ZNF423: variants seen among roughly 807,000 people sequenced by gnomAD.
The protein encoded by ZNF423 is zinc finger protein 423.
A neutral mutation model predicts 95.8 loss-of-function variants in ZNF423; 12 were observed. The ratio of observed to expected loss-of-function variants is 0.13; its 90% CI spans 0.08 to 0.20. The LOEUF (loss-of-function observed/expected upper bound fraction) is 0.20, where lower values mean the gene tolerates loss of function less well. Ranked by LOEUF, ZNF423 falls within the 10% of genes least tolerant of loss-of-function variation. ZNF423 has a pLI of 1.00. For missense variants in ZNF423, 1,316 were observed against 1,737.1 expected, an observed-to-expected ratio of 0.76 and a Z score of 4.31; for synonymous variants, 749 against 711.9, an observed-to-expected ratio of 1.05 and a Z score of -0.83.
intron 5 of ZNF423, among the ~76,000 whole-genome samples, chr16:49,600,041 C>CAAG (rs201642390): frequency 0.017 from 2,542 of 152,314 alleles, 39 homozygotes; most frequent in Middle Eastern, 0.037. Context: ...GGGCAAGAGG[C>CAAG]CGGGCGTGGT....
intron 3 of ZNF423, among the ~76,000 whole-genome samples, chr16:49,653,190 G>A (rs2151906186): frequency 6.6e-6 from 1 of 151,564 alleles, no homozygotes; most frequent in African/African-American, 2.4e-5. Flanking sequence ...GTCCCCTGCT[G>A]CCCAGACAGA....
intron 1 of ZNF423, among the ~76,000 whole-genome samples, chr16:49,807,206 C>T (rs562850179): frequency 3.3e-5 from 5 of 152,010 alleles, no homozygotes; most frequent in South Asian, 2.1e-4. Context: ...CTGAGGCAGG[C>T]GGATCATGAG....
At chr16:49,667,050 G>C (rs997929748) in intron 3 of ZNF423, among the ~76,000 whole-genome samples, 3 of 152,198 alleles carry the variant, frequency 2.0e-5, no homozygotes, top group African/African-American at 4.8e-5. Flanking sequence ...TTTAGGCCCA[G>C]AGCCTCCTTG....
intron 3 of ZNF423, among the ~76,000 whole-genome samples, chr16:49,669,254 G>A (rs564437689): frequency 2.0e-5 from 3 of 151,982 alleles, no homozygotes; most frequent in East Asian, 1.9e-4. Flanking sequence ...ACTTGAACTC[G>A]GGAGGCGGAG....
intron 5 of ZNF423, among the ~76,000 whole-genome samples, chr16:49,597,528 A>AT (rs993363004): frequency 9.2e-5 from 14 of 151,854 alleles, no homozygotes; most frequent in African/African-American, 2.4e-4. Context: ...TTTCCTTTTA[A>AT]TTTTTTTTTA....
intron 3 of ZNF423, among the ~76,000 whole-genome samples, chr16:49,675,368 T>C (rs118102773): frequency 0.019 from 2,874 of 152,272 alleles, 61 homozygotes; most frequent in Middle Eastern, 0.044. Flanking sequence ...ACCATTAACC[T>C]GGCCATCTTT....
chr16:49,792,385 GAAATCA>G (rs1470126187), intron 1 of ZNF423, among the ~76,000 whole-genome samples: 1 of 152,196 alleles, frequency 6.6e-6, no homozygotes, highest in Admixed American at 6.5e-5. Flanking sequence ...AGCTCTGGGG[GAAATCA>G]AAGCTCTGTG....
At chr16:49,689,554 C>T (rs1458608891) in intron 3 of ZNF423, among the ~76,000 whole-genome samples, 1 of 152,146 alleles carries the variant, frequency 6.6e-6, no homozygotes, top group South Asian at 2.1e-4. Context: ...CCTCCGTGAC[C>T]TCCAGGAGGT....
chr16:49,689,657 T>C (rs2031705071), intron 3 of ZNF423, among the ~76,000 whole-genome samples: 2 of 151,714 alleles, frequency 1.3e-5, no homozygotes, highest in Non-Finnish European at 2.9e-5. Context: ...GCCTTGAGAG[T>C]TACTGCAAGC....
chr16:49,527,807 A>G (rs1185667067), intron 5 of ZNF423, among the ~76,000 whole-genome samples: 16 of 152,118 alleles, frequency 1.1e-4, no homozygotes, highest in Admixed American at 1.0e-3. Flanking sequence ...TCCTATATGC[A>G]TGTACCCCCG....
chr16:49,524,469 A>C (rs964510853), intron 6 of ZNF423, among the ~76,000 whole-genome samples: 3 of 151,980 alleles, frequency 2.0e-5, no homozygotes, highest in African/African-American at 7.2e-5. Flanking sequence ...TCCTGCGATG[A>C]GGGGGAAGAT....
chr16:49,838,971 G>T (rs1433938008), intron 1 of ZNF423, among the ~76,000 whole-genome samples: 1 of 151,840 alleles, frequency 6.6e-6, no homozygotes, highest in Non-Finnish European at 1.5e-5. Flanking sequence ...GCGTTCCCAA[G>T]CGTCGGCCGG....
chr16:49,729,035 A>C (rs1398218835), intron 3 of ZNF423, among the ~76,000 whole-genome samples: 1 of 152,140 alleles, frequency 6.6e-6, no homozygotes, highest in African/African-American at 2.4e-5. Context: ...CCAGCCCGAA[A>C]TGCCACCATT....
chr16:49,591,439 T>C (rs1410290259), intron 5 of ZNF423, among the ~76,000 whole-genome samples: 1 of 151,584 alleles, frequency 6.6e-6, no homozygotes, highest in African/African-American at 2.4e-5. Context: ...GCAAAAACAG[T>C]ATGGCCATTT....
intron 1 of ZNF423, among the ~76,000 whole-genome samples, chr16:49,831,238 C>T (rs997574074): frequency 2.0e-5 from 3 of 152,124 alleles, no homozygotes; most frequent in South Asian, 2.1e-4. Flanking sequence ...AACCTCAAAG[C>T]GCCTGAGTCC....
intron 4 of ZNF423, among the ~76,000 whole-genome samples, chr16:49,634,392 C>T (rs911426769): frequency 1.3e-5 from 2 of 152,092 alleles, no homozygotes; most frequent in Admixed American, 6.6e-5. Flanking sequence ...GGAAGATATC[C>T]ACGGACGGGT....
At chr16:49,542,510 C>T (rs1431032230) in intron 5 of ZNF423, among the ~76,000 whole-genome samples, 2 of 152,202 alleles carry the variant, frequency 1.3e-5, no homozygotes, top group African/African-American at 4.8e-5. Flanking sequence ...AGTGTTCTGT[C>T]CCATGTGAGC....
Position 49,584,242 on chromosome 16 carries a change from A to C in ZNF423, c.3601+41928T>G, listed in dbSNP as rs991673007. On this transcript the variant is annotated intron_variant, in intron 5 of 7. Transcript: ENST00000563137. ...AAAGAAGATCCCTCCCACAGCCCCC[A>C]TCGTGTCCCTTAGTAGCTAACTGGA... is the stretch of plus-strand genomic sequence containing the variant. Among the ~76,000 whole-genome samples the C allele has an allele frequency of 2.0e-5, 3 of 152,278 alleles. No individual in the cohort carries two copies. The East Asian group carries it at 5.8e-4, about 29-fold the overall frequency.
intron 2 of ZNF423, among the ~76,000 whole-genome samples, chr16:49,776,582 G>A (rs2034124851): frequency 6.6e-6 from 1 of 152,242 alleles, no homozygotes; most frequent in African/African-American, 2.4e-5. Flanking sequence ...CCTGGGGACA[G>A]GCCTGCCAGG....
Sources: gnomAD v4.1 joint callset for allele counts (sites outside exome capture counted in the v4.1 genomes callset) on GRCh38, gnomAD v4.1.1 for gene constraint, MANE v1.5 for transcripts, NCBI Gene and HGNC (gene_info 2026-07-23, HGNC 2026-07-21) for gene names.